The following SORCS3 variants were observed in gnomAD, a reference collection of about 807,000 sequenced individuals.
SORCS3 encodes sortilin related VPS10 domain containing receptor 3.
A neutral mutation model predicts 146.3 loss-of-function variants in SORCS3; 57 were observed. That is an observed-to-expected ratio of 0.39 (90% CI 0.31 to 0.49). The LOEUF is 0.49. Among genes scored for constraint, SORCS3 ranks in the 20% least tolerant of loss-of-function variants. The pLI is 0.92. For synonymous variants in SORCS3, 653 were observed against 618.5 expected (o/e 1.06, Z -0.83); for missense variants, 1,341 against 1,575.5 (o/e 0.85, Z 2.52).
At chr10:105,162,101 G>A (rs2056269973) in intron 11 of SORCS3, among the ~76,000 whole-genome samples, 1 of 152,216 alleles carries the variant, frequency 6.6e-6, no homozygotes, top group African/African-American at 2.4e-5. Flanking sequence ...TCTGGCATGA[G>A]TGGTGGTGAG....
intron 14 of SORCS3, among the ~76,000 whole-genome samples, chr10:105,184,209 A>T (rs1411601439): frequency 2.6e-5 from 4 of 152,230 alleles, no homozygotes; most frequent in African/African-American, 9.6e-5. Context: ...TGTTGCAACT[A>T]TTCAATCCTT....
rs2054906258 is a variant in SORCS3, at chr10:104,977,445, T to C, written c.906T>C (p.Phe302=). 1 of 1,613,470 alleles carries C rather than the reference T, an allele frequency of 6.2e-7. No homozygotes were observed. Among genetic ancestry groups the C allele is most frequent in the Admixed American group, 1.7e-5 (1 of 59,976 alleles). ...CCTTCTATATCCAGAGCCTGCTCTTTCATCCCAAGCAAGAGGACTGGGTGC... is the reference window on the plus strand; with the variant it reads ...CCTTCTATATCCAGAGCCTGCTCTTCCATCCCAAGCAAGAGGACTGGGTGC... ...RLTFYIQSLL[F]HPKQEDWVLA... is the part of the protein sequence containing the mutation. The change falls in exon 4 of 27, where the codon TTT becomes TTC. Residue 302 remains phenylalanine (F), a synonymous_variant. Coordinates refer to ENST00000369701, the MANE Select transcript of SORCS3 (RefSeq NM_014978.3).
intron 7 of SORCS3, among the ~76,000 whole-genome samples, chr10:105,119,726 G>T (rs1183473693): frequency 1.3e-5 from 2 of 152,178 alleles, no homozygotes; most frequent in African/African-American, 2.4e-5. Flanking sequence ...CTTGCATGGG[G>T]CCTGTGGTGC....
At chr10:104,944,086 T>C (rs1227153398) in intron 3 of SORCS3, among the ~76,000 whole-genome samples, 2 of 152,166 alleles carry the variant, frequency 1.3e-5, no homozygotes, top group Non-Finnish European at 2.9e-5. Context: ...TTGCTTGATT[T>C]ATAACAAAGG....
chr10:104,934,597 C>T (rs1221267828), intron 3 of SORCS3, among the ~76,000 whole-genome samples: 1 of 152,102 alleles, frequency 6.6e-6, no homozygotes, highest in Non-Finnish European at 1.5e-5. Flanking sequence ...CGCATAAGTG[C>T]ACTCATTTTA....
chr10:104,893,931 G>A (rs2018773747), intron 2 of SORCS3, among the ~76,000 whole-genome samples: 1 of 152,042 alleles, frequency 6.6e-6, no homozygotes, highest in African/African-American at 2.4e-5. Flanking sequence ...CTCCCTTTCT[G>A]CAACACTCCC....
At chr10:104,726,169 CA>C (rs942022032) in intron 1 of SORCS3, among the ~76,000 whole-genome samples, 1 of 152,196 alleles carries the variant, frequency 6.6e-6, no homozygotes, top group African/African-American at 2.4e-5. Flanking sequence ...TCATCAGAGG[CA>C]AATTCCCCTT....
intron 1 of SORCS3, among the ~76,000 whole-genome samples, chr10:104,721,306 T>G (rs2016544836): frequency 6.6e-6 from 1 of 152,220 alleles, no homozygotes; most frequent in African/African-American, 2.4e-5. Flanking sequence ...GCATTATTTC[T>G]GAGGGCTCTG....
intron 20 of SORCS3, among the ~76,000 whole-genome samples, chr10:105,227,393 T>C (rs1038202675): frequency 5.3e-5 from 8 of 152,128 alleles, no homozygotes; most frequent in Admixed American, 5.2e-4. Flanking sequence ...ATTTATTCCA[T>C]TGTGGTCTGA....
intron 1 of SORCS3, among the ~76,000 whole-genome samples, chr10:104,656,677 G>A (rs139138491): frequency 0.022 from 3,273 of 151,312 alleles, 63 homozygotes; most frequent in Admixed American, 0.041. Flanking sequence ...AAAACAAAAA[G>A]AAAAAGAAAA....
At chr10:105,041,062 A>T (rs1483960260) in intron 4 of SORCS3, among the ~76,000 whole-genome samples, 3 of 124,156 alleles carry the variant, frequency 2.4e-5, no homozygotes, top group African/African-American at 1.1e-4. Flanking sequence ...GAAATATATA[A>T]ATATATATGT....
intron 7 of SORCS3, among the ~76,000 whole-genome samples, chr10:105,134,259 G>A (rs976192618): frequency 3.3e-5 from 5 of 152,062 alleles, no homozygotes; most frequent in Non-Finnish European, 5.9e-5. Context: ...GATTAAATTA[G>A]GTAATTTTCA....
At chr10:104,776,977 T>C (rs1230075482) in intron 1 of SORCS3, among the ~76,000 whole-genome samples, 1 of 136,280 alleles carries the variant, frequency 7.3e-6, no homozygotes, top group East Asian at 2.1e-4. Context: ...AAGGGGGAGA[T>C]ACAGTTGCTT....
chr10:105,056,342 G>T (rs1348057825), intron 5 of SORCS3, among the ~76,000 whole-genome samples: 1 of 152,124 alleles, frequency 6.6e-6, no homozygotes, highest in African/African-American at 2.4e-5. Context: ...CCCTCTAGTT[G>T]TGCAGAATGT....
intron 1 of SORCS3, among the ~76,000 whole-genome samples, chr10:104,767,611 C>T (rs1156445916): frequency 7.5e-6 from 1 of 132,524 alleles, no homozygotes; most frequent in East Asian, 2.4e-4. Context: ...TCCCCCTTCC[C>T]CCTTCCCCTT....
intron 20 of SORCS3, among the ~76,000 whole-genome samples, chr10:105,230,579 G>A (rs1048664086): frequency 1.3e-5 from 2 of 152,152 alleles, no homozygotes; most frequent in African/African-American, 2.4e-5. Flanking sequence ...CCCAGCCCAC[G>A]GCAGCAGCCC....
chr10:105,168,012 T>C (rs899982702), intron 13 of SORCS3, among the ~76,000 whole-genome samples: 2 of 152,076 alleles, frequency 1.3e-5, no homozygotes, highest in Non-Finnish European at 2.9e-5. Context: ...TTTTCATGAA[T>C]GCTGAAGAAA....
chr10:104,993,378 C>A (rs1222011577), intron 4 of SORCS3, among the ~76,000 whole-genome samples: 1 of 152,206 alleles, frequency 6.6e-6, no homozygotes, highest in African/African-American at 2.4e-5. Flanking sequence ...GAGGCAGGAT[C>A]TACCAGTAGC....
chr10:104,666,978 A>G (rs1482311033), intron 1 of SORCS3, among the ~76,000 whole-genome samples: 1 of 152,100 alleles, frequency 6.6e-6, no homozygotes. Flanking sequence ...CTGTGTTCTC[A>G]TGCAGCTTAG....
Sources: allele counts gnomAD v4.1 joint callset (sites outside exome capture counted in the v4.1 genomes callset), GRCh38; gene constraint gnomAD v4.1.1; transcripts MANE v1.5; gene names NCBI Gene and HGNC (gene_info 2026-07-23, HGNC 2026-07-21).